Variants in GAS2L1 observed in about 807,000 individuals in gnomAD.
GAS2L1 encodes GAS2-like protein 1.
A neutral mutation model predicts 44.0 loss-of-function variants in GAS2L1; 26 were observed. The observed-to-expected ratio is 0.59, with a 90% CI of 0.43 to 0.82. The LOEUF (loss-of-function observed/expected upper bound fraction) is 0.82. Ranked by LOEUF, GAS2L1 falls within the 40% of genes least tolerant of loss-of-function variation. GAS2L1 has a pLI of 0.00. For synonymous variants in GAS2L1, 426 were observed against 415.9 expected, an observed-to-expected ratio of 1.02 and a Z score of -0.30; for missense variants, 1,006 against 983.0, an observed-to-expected ratio of 1.02 and a Z score of -0.31.
intron 1 of GAS2L1, among the ~76,000 whole-genome samples, chr22:29,309,540 C>T (rs888643364): frequency 6.6e-6 from 1 of 152,254 alleles, no homozygotes; most frequent in African/African-American, 2.4e-5. Context: ...CAAGGCCCCA[C>T]CTGCTTATTT....
chr22:29,306,708 C>A (rs1444035186), upstream of GAS2L1: 1 of 152,352 alleles, frequency 6.6e-6, no homozygotes, highest in Non-Finnish European at 1.5e-5. Flanking sequence ...GCCCGGGGAG[C>A]CCACCGTCTG....
chr22:29,306,940 G>T (rs531177990), upstream of GAS2L1: 2 of 152,266 alleles, frequency 1.3e-5, no homozygotes, highest in South Asian at 2.1e-4. Context: ...CCGCCGGCTC[G>T]GGGAAGGGGC....
At chr22:29,311,656 G>A (rs761686740) in exon 5 of GAS2L1, 2 of 1,530,852 alleles carry the variant, frequency 1.3e-6, no homozygotes, top group Admixed American at 2.0e-5. Context: ...CCTGCCCTGC[G>A]CAGCCAGTCC....
chr22:29,308,344 G>A (rs2061369472), exon 1 of GAS2L1: 3 of 1,603,296 alleles, frequency 1.9e-6, no homozygotes, highest in Non-Finnish European at 2.6e-6. Context: ...GCAGCCGCCC[G>A]CCCGGCCCGA....
chr22:29,310,540 T>C (rs371827218), exon 2 of GAS2L1: 229 of 1,605,924 alleles, frequency 1.4e-4, no homozygotes, highest in Admixed American at 3.8e-4. Context: ...TGCTCATCTT[T>C]GTGCGGGTAA....
chr22:29,311,902 G>C, exon 5 of GAS2L1: 1 of 1,601,484 alleles, frequency 6.2e-7, no homozygotes, highest in Middle Eastern at 1.7e-4. Context: ...GCAGCACCCC[G>C]GCTTTCCCGG....
At chr22:29,312,620 G>A (rs926989717) in exon 5 of GAS2L1, 3 of 602,000 alleles carry the variant, frequency 5.0e-6, no homozygotes, top group Non-Finnish European at 5.5e-6. Flanking sequence ...CAGACCCCTT[G>A]GGACCACATG....
chr22:29,310,512 G>A (rs931687305), exon 2 of GAS2L1: 14 of 1,611,310 alleles, frequency 8.7e-6, no homozygotes, highest in South Asian at 7.7e-5. Flanking sequence ...GGGAAGTACC[G>A]TGTGGGGGAC....
Position 29,312,105 on chromosome 22 carries a change from GA to G in GAS2L1, c.1655del (p.Asp552AlafsTer64), listed in dbSNP as rs774571768. On this transcript the variant is annotated frameshift_variant, in exon 5 of 5. Transcript: ENST00000618518. LOFTEE classifies it high-confidence loss of function. Reference sequence around the variant, plus strand: ...AGCCCCTGACCCAGCTCGGGCCCCCGACCCTCCAGCTCCTGACTCTGCCTAT... The same window carrying G: ...AGCCCCTGACCCAGCTCGGGCCCCCGCCCTCCAGCTCCTGACTCTGCCTAT... The G allele has an allele frequency of 6.2e-7, 1 of 1,612,818 alleles. No homozygotes were observed. Among genetic ancestry groups the G allele is most frequent in the Non-Finnish European group, 8.5e-7 (1 of 1,179,766 alleles).
chr22:29,312,418 C>T (rs755054331), exon 5 of GAS2L1: 18 of 1,553,892 alleles, frequency 1.2e-5, no homozygotes, highest in Non-Finnish European at 1.6e-5. Flanking sequence ...CCCCGCCGCC[C>T]CTCCGGACCC....
exon 1 of GAS2L1, chr22:29,307,217 C>T (rs2061358680): frequency 1.3e-5 from 2 of 150,632 alleles, no homozygotes; most frequent in South Asian, 2.2e-4. Context: ...GGAGGCGGGG[C>T]GGGAAGCGGC....
chr22:29,312,338 G>T, exon 5 of GAS2L1: 1 of 1,605,030 alleles, frequency 6.2e-7, no homozygotes, highest in South Asian at 1.1e-5. Context: ...AACCCTCGAG[G>T]ACCTGGGCAC....
exon 5 of GAS2L1, chr22:29,312,497 A>G: frequency 2.7e-6 from 4 of 1,505,862 alleles, no homozygotes; most frequent in Non-Finnish European, 8.9e-7. Flanking sequence ...CCTGGATGTG[A>G]TGGACCAGCT....
chr22:29,310,590 G>A (rs763782091), intron 2 of GAS2L1, 44 bp downstream of exon 3: 2 of 1,578,174 alleles, frequency 1.3e-6, no homozygotes, highest in East Asian at 2.2e-5. Flanking sequence ...CCAAGGTGGT[G>A]GGCTGCGGGG....
chr22:29,310,912 C>G (rs370162582), exon 4 of GAS2L1: 1 of 1,613,464 alleles, frequency 6.2e-7, no homozygotes, highest in African/African-American at 1.3e-5. Context: ...CTAGCCCAGT[C>G]CCTGGGAGTG....
exon 1 of GAS2L1, chr22:29,308,345 C>G (rs762415699): frequency 1.4e-5 from 23 of 1,604,210 alleles, no homozygotes; most frequent in Non-Finnish European, 1.9e-5. Flanking sequence ...CAGCCGCCCG[C>G]CCGGCCCGAG....
chr22:29,308,140 C>T (rs745534105), exon 1 of GAS2L1: 12 of 1,566,896 alleles, frequency 7.7e-6, no homozygotes, highest in East Asian at 2.3e-5. Context: ...GCGGGCTCGG[C>T]GGCCAAGAGC....
At chr22:29,307,058 A>G (rs376400273) in exon 1 of GAS2L1, 2,707 of 151,784 alleles carry the variant, frequency 0.018, 25 homozygotes, top group South Asian at 0.032. Flanking sequence ...CGCGGGACGC[A>G]TAGAGCTGCG....
chr22:29,309,989 G>A (rs995512754), intron 1 of GAS2L1, among the ~76,000 whole-genome samples: 1 of 152,132 alleles, frequency 6.6e-6, no homozygotes, highest in Non-Finnish European at 1.5e-5. Flanking sequence ...TGGGCCGGGC[G>A]TGGTGGCTCG....
Sources: allele counts gnomAD v4.1 joint callset (sites outside exome capture counted in the v4.1 genomes callset), GRCh38; gene constraint gnomAD v4.1.1; transcripts MANE v1.5; gene names NCBI Gene and HGNC (gene_info 2026-07-23, HGNC 2026-07-21).